MLLT3: variants seen among roughly 807,000 people sequenced by gnomAD.
MLLT3 encodes the protein protein AF-9.
In MLLT3, 4 loss-of-function variants were observed where a neutral mutation model predicts 53.2. The observed-to-expected ratio is 0.08, with a 90% CI of 0.04 to 0.17. MLLT3 has a LOEUF of 0.17. MLLT3 is among the 10% of genes least tolerant of loss of function. The probability of loss-of-function intolerance (pLI) is 1.00; values close to 1 mark genes in which losing one functional copy is unlikely to be tolerated. For missense variants in MLLT3, 569 were observed against 684.0 expected, an observed-to-expected ratio of 0.83 and a Z score of 1.87; for synonymous variants, 283 against 230.6, an observed-to-expected ratio of 1.23 and a Z score of -2.06.
intron 8 of MLLT3, among the ~76,000 whole-genome samples, chr9:20,359,443 G>GCTGAATA (rs895552920): frequency 3.9e-5 from 6 of 152,202 alleles, no homozygotes; most frequent in Admixed American, 3.9e-4. Flanking sequence ...TAAATAACTT[G>GCTGAATA]CTGAATACCC....
Position 20,543,758 on chromosome 9 carries a change from G to A in MLLT3, c.193+76896C>T, listed in dbSNP as rs534075356. On this transcript the variant is annotated intron_variant, in intron 2 of 10. Transcript: ENST00000380338. ...GGAGGAGGAGGAGGATAAAAGGAAG[G>A]AAAAGGAGGAGGAGGAGGAAAAAAA... 3.3e-5 allele frequency among the ~76,000 whole-genome samples: 5 copies of A among 151,834 alleles called. No individual in the cohort carries two copies. The East Asian group carries it at 5.8e-4, about 18-fold the overall frequency.
At chr9:20,415,351 A>G in intron 4 of MLLT3, 3 of 470,638 alleles carry the variant, frequency 6.4e-6, no homozygotes, top group African/African-American at 4.2e-5. Flanking sequence ...AATATGATCA[A>G]TTTTTCCACT....
At chr9:20,529,455 G>C (rs1157909331) in intron 2 of MLLT3, among the ~76,000 whole-genome samples, 1 of 151,970 alleles carries the variant, frequency 6.6e-6, no homozygotes, top group East Asian at 1.9e-4. Context: ...GAGTATGTTA[G>C]CAGAATGTCA....
In MLLT3 at chr9:20,594,890, G is replaced by C. The variant is rs1820216743; in HGVS notation, c.193+25764C>G. Among the ~76,000 whole-genome samples, 2 of 152,236 alleles carry C rather than the reference G, an allele frequency of 1.3e-5. 1 individual carries two copies. The highest frequency in any genetic ancestry group is 4.8e-5 in the African/African-American group (2 of 41,534). On this transcript the variant is annotated intron_variant, in intron 2 of 10. Transcript: ENST00000380338. ...AACCCTCAGTTCCAGGAATTGCCCAGCCCCTTCCCATAAAACTCATGAATA... is the reference window on the plus strand; with the variant it reads ...AACCCTCAGTTCCAGGAATTGCCCACCCCCTTCCCATAAAACTCATGAATA...
intron 2 of MLLT3, among the ~76,000 whole-genome samples, chr9:20,516,344 C>T (rs1267348545): frequency 2.0e-5 from 3 of 152,192 alleles, no homozygotes; most frequent in African/African-American, 7.2e-5. Context: ...AAAAGCACAA[C>T]ACTCTACATG....
chr9:20,421,444 C>A (rs1348901326), intron 4 of MLLT3, among the ~76,000 whole-genome samples: 1 of 151,880 alleles, frequency 6.6e-6, no homozygotes, highest in East Asian at 1.9e-4. Flanking sequence ...AGAGAGAAAC[C>A]AAGTACAAAG....
chr9:20,439,808 G>C (rs1823498818), intron 4 of MLLT3, among the ~76,000 whole-genome samples: 1 of 152,132 alleles, frequency 6.6e-6, no homozygotes, highest in African/African-American at 2.4e-5. Flanking sequence ...AATACTGACA[G>C]AGGTTATAGT....
intron 9 of MLLT3, 43 bp from the exon 10 acceptor site, chr9:20,353,639 T>C: frequency 1.3e-6 from 2 of 1,510,240 alleles, no homozygotes; most frequent in Non-Finnish European, 1.8e-6. Flanking sequence ...GCACTTTAAG[T>C]AGTAGTTCAA....
At chr9:20,408,586 C>G (rs1822645610) in intron 5 of MLLT3, among the ~76,000 whole-genome samples, 1 of 152,154 alleles carries the variant, frequency 6.6e-6, no homozygotes, top group African/African-American at 2.4e-5. Flanking sequence ...GAACCTGCCC[C>G]CTGGAGAGCC....
At position 20,621,346 on chromosome 9, in the gene MLLT3, C is replaced by T. The variant is rs1352398509; in HGVS notation, c.13-512G>A. Among the ~76,000 whole-genome samples the T allele has an allele frequency of 6.6e-6, 1 of 151,858 alleles. No individual in the cohort carries two copies. The highest frequency in any genetic ancestry group is 1.9e-4 in the East Asian group (1 of 5,130). On this transcript the variant is annotated intron_variant, in intron 1 of 10. Transcript: ENST00000380338. This position sits in a 1 kb window ranked among gnomAD's most constrained non-coding sequence, Gnocchi z 7.0. ...CGTGCGTGTGGAGCGCTGTGCCAGG[C>T]GAAATGGAAACTACAGGCAGCCTCT...
At chr9:20,530,622 G>A (rs1818307564) in intron 2 of MLLT3, among the ~76,000 whole-genome samples, 1 of 152,184 alleles carries the variant, frequency 6.6e-6, no homozygotes. Flanking sequence ...AACAGTTACT[G>A]AATATAAACA....
At chr9:20,541,769 C>G (rs1017865042) in intron 2 of MLLT3, among the ~76,000 whole-genome samples, 2 of 152,158 alleles carry the variant, frequency 1.3e-5, no homozygotes, top group African/African-American at 4.8e-5. Context: ...AGAAGCAACT[C>G]CTCATCTGTT....
At chr9:20,565,052 C>A (rs1348972205) in intron 2 of MLLT3, among the ~76,000 whole-genome samples, 1 of 151,948 alleles carries the variant, frequency 6.6e-6, no homozygotes, top group East Asian at 1.9e-4. Context: ...CACTATAGTA[C>A]TGGCATATAC....
rs34889625 is a variant in MLLT3, at chr9:20,372,554, ATTTTTTTTTTTTTT to A, written c.1126-6824_1126-6811del. Among the ~76,000 whole-genome samples, 816 of 82,328 alleles carry A rather than the reference ATTTTTTTTTTTTTT, an allele frequency of 9.9e-3. 4 individuals are homozygous for A. Among genetic ancestry groups the A allele is most frequent in the Middle Eastern group, 0.029 (3 of 104 alleles). 54.0% of individuals were successfully genotyped at this position (82,328 alleles called of 152,430 possible). On this transcript the variant is annotated intron_variant, in intron 5 of 10. Transcript: ENST00000380338. ...AGGCACCCGCCACCACGCCCGGCTA[ATTTTTTTTTTTTTT>A]TTTTTTTTTTTTTGTATTTTTAGTA...
At chr9:20,441,169 T>C (rs1356023149) in intron 4 of MLLT3, among the ~76,000 whole-genome samples, 3 of 152,276 alleles carry the variant, frequency 2.0e-5, no homozygotes, top group African/African-American at 4.8e-5. Flanking sequence ...TTTTTTTCCT[T>C]GTCACTTAAA....
chr9:20,516,900 C>T (rs1817932121), intron 2 of MLLT3, among the ~76,000 whole-genome samples: 1 of 152,170 alleles, frequency 6.6e-6, no homozygotes, highest in Admixed American at 6.5e-5. Context: ...GCATTTTAAG[C>T]ATCTACTCAA....
intron 2 of MLLT3, among the ~76,000 whole-genome samples, chr9:20,524,397 A>G (rs754066840): frequency 6.6e-6 from 1 of 152,300 alleles, no homozygotes; most frequent in Non-Finnish European, 1.5e-5. Context: ...AACTTCTATA[A>G]AACTACTGCA....
intron 5 of MLLT3, among the ~76,000 whole-genome samples, chr9:20,368,719 G>A (rs945158597): frequency 1.3e-5 from 2 of 152,010 alleles, no homozygotes; most frequent in Non-Finnish European, 2.9e-5. Context: ...AACACAACAG[G>A]AAAAAGGGCT....
At chr9:20,530,999 C>A (rs998126262) in intron 2 of MLLT3, among the ~76,000 whole-genome samples, 2 of 151,104 alleles carry the variant, frequency 1.3e-5, no homozygotes, top group Admixed American at 6.6e-5. Flanking sequence ...TAATTTAATT[C>A]ATCTACTTAT....
Sources: gnomAD v4.1 joint callset for allele counts (sites outside exome capture counted in the v4.1 genomes callset) on GRCh38, gnomAD v4.1.1 for gene constraint, Gnocchi (gnomAD v3.1) non-coding constraint, MANE v1.5 for transcripts, NCBI Gene and HGNC (gene_info 2026-07-23, HGNC 2026-07-21) for gene names.